The following CCNY variants were observed in gnomAD, a reference collection of about 807,000 sequenced individuals.
The protein encoded by CCNY is cyclin-Y.
Under a neutral mutation model 42.8 loss-of-function variants are expected in CCNY, and 19 were observed. The observed-to-expected ratio is 0.44, with a 90% CI of 0.31 to 0.65. The LOEUF is 0.65. Ranked by LOEUF, CCNY falls within the 30% of genes least tolerant of loss-of-function variation. CCNY has a pLI of 0.07. For synonymous variants in CCNY, 165 were observed against 162.7 expected (o/e 1.01, Z -0.11); for missense variants, 370 against 437.3 (o/e 0.85, Z 1.37).
chr10:35,448,391 G>A (rs1006268337), intron 1 of CCNY, among the ~76,000 whole-genome samples: 3 of 152,158 alleles, frequency 2.0e-5, no homozygotes, highest in Non-Finnish European at 4.4e-5. Flanking sequence ...ATTACTTGCC[G>A]TGTGACTTTG....
chr10:35,335,763 G>C (rs963685377), upstream of CCNY, among the ~76,000 whole-genome samples: 5 of 150,260 alleles, frequency 3.3e-5, no homozygotes, highest in African/African-American at 9.8e-5. Flanking sequence ...GTGTTACAAA[G>C]GGAGATCCCA....
intron 1 of CCNY, among the ~76,000 whole-genome samples, chr10:35,474,233 A>G (rs1355600229): frequency 6.6e-6 from 1 of 152,218 alleles, no homozygotes; most frequent in South Asian, 2.1e-4. Flanking sequence ...GGTGCCCACC[A>G]TTGCCCACGC....
Position 35,337,193 on chromosome 10 carries a change from G to C in CCNY, c.140G>C (p.Arg47Pro). ...TGCAACCTGCAGCACATCAGCGACCGGGAGAACATAGACGGTGAGTGCGGC... is the reference window on the plus strand; with the variant it reads ...TGCAACCTGCAGCACATCAGCGACCCGGAGAACATAGACGGTGAGTGCGGC... The part of the protein sequence containing the change: ...TGCNLQHISD[R>P]ENIDDLNMEF... Residue 47 changes from arginine (R) to proline (P), a missense_variant, in exon 1 of 10, where the codon CGG becomes CCG. By Grantham distance (103) the Arg-to-Pro change is moderately radical (BLOSUM62 -2). Transcript: ENST00000374704. 1 of 1,560,640 alleles carries C rather than the reference G, an allele frequency of 6.4e-7. No individual in the cohort carries two copies. The highest frequency in any genetic ancestry group is 8.7e-7 in the Non-Finnish European group (1 of 1,154,686).
In CCNY at chr10:35,571,530, A is replaced by C. The variant is rs945839162; in HGVS notation, c.*2360A>C. ...TTAATTGGTTATGTTTCTTGCACTAAGGATGTTTAAAACTCCGCTGTAAGT... is the reference window on the plus strand; with the variant it reads ...TTAATTGGTTATGTTTCTTGCACTACGGATGTTTAAAACTCCGCTGTAAGT... On this transcript the variant is annotated 3_prime_UTR_variant, in exon 10 of 10. Coordinates refer to ENST00000374704, the MANE Select transcript of CCNY (RefSeq NM_145012.6). 6.6e-6 allele frequency: 1 copy of C among 152,374 alleles called. No homozygotes were observed. The highest frequency in any genetic ancestry group is 6.5e-5 in the Admixed American group (1 of 15,282). The allele number at this position is 152,374 out of a possible 1,614,324, so 9.4% of individuals were successfully genotyped here.
chr10:35,546,133 A>G (rs1159093824), intron 7 of CCNY, among the ~76,000 whole-genome samples: 1 of 152,218 alleles, frequency 6.6e-6, no homozygotes, highest in African/African-American at 2.4e-5. Context: ...GTATTGGAAC[A>G]TGCTCTAATC....
intron 3 of CCNY, chr10:35,251,099 C>A (rs937143350): frequency 6.6e-6 from 1 of 152,108 alleles, no homozygotes; most frequent in Non-Finnish European, 1.5e-5. Flanking sequence ...AGAGTTGTGA[C>A]TTAAGACTAT....
At chr10:35,423,151 C>G (rs1430693346) in intron 1 of CCNY, among the ~76,000 whole-genome samples, 1 of 151,936 alleles carries the variant, frequency 6.6e-6, no homozygotes. Context: ...TTCATTTCCA[C>G]TTTTTTTTAT....
At chr10:35,256,075 G>A (rs112332637) in intron 3 of CCNY, among the ~76,000 whole-genome samples, 5 of 152,052 alleles carry the variant, frequency 3.3e-5, no homozygotes, top group African/African-American at 1.2e-4. Flanking sequence ...CACTTCCAAC[G>A]GATTGTGTCT....
chr10:35,454,253 G>C (rs1838981512), intron 1 of CCNY, among the ~76,000 whole-genome samples: 1 of 152,236 alleles, frequency 6.6e-6, no homozygotes, highest in Admixed American at 6.5e-5. Flanking sequence ...CCCAGGTCCA[G>C]GGTTTCACAG....
chr10:35,472,083 C>T (rs1391910838), intron 1 of CCNY, among the ~76,000 whole-genome samples: 1 of 152,214 alleles, frequency 6.6e-6, no homozygotes, highest in Non-Finnish European at 1.5e-5. Flanking sequence ...TAGCCCTGAT[C>T]TAAGTGCTGT....
intron 3 of CCNY, among the ~76,000 whole-genome samples, chr10:35,261,239 A>AATTT (rs1554963507): frequency 2.8e-4 from 37 of 132,200 alleles, no homozygotes; most frequent in Non-Finnish European, 4.0e-4. Context: ...AAAAAAAAAA[A>AATTT]TTTTTTTTTT....
intron 3 of CCNY, chr10:35,320,923 C>G (rs1835814345): frequency 6.6e-6 from 1 of 152,074 alleles, no homozygotes; most frequent in Admixed American, 6.6e-5. Context: ...GGGAAGATCA[C>G]TTGAGTCCAG....
chr10:35,362,747 G>A (rs1393251700), intron 1 of CCNY, among the ~76,000 whole-genome samples: 3 of 151,608 alleles, frequency 2.0e-5, no homozygotes, highest in African/African-American at 4.9e-5. Flanking sequence ...CGGGGCTGCG[G>A]CCAGGCAGAG....
At chr10:35,386,795 A>G (rs1167101911) in intron 1 of CCNY, among the ~76,000 whole-genome samples, 1 of 149,756 alleles carries the variant, frequency 6.7e-6, no homozygotes, top group East Asian at 2.0e-4. Flanking sequence ...ATATGTCAAG[A>G]TTCCTTCATT....
chr10:35,341,570 G>A (rs1836183779), intron 1 of CCNY, among the ~76,000 whole-genome samples: 1 of 152,248 alleles, frequency 6.6e-6, no homozygotes, highest in African/African-American at 2.4e-5. Context: ...ATTCCTTGAA[G>A]ATACTATAAA....
At chr10:35,391,603 C>G (rs908877790) in intron 1 of CCNY, among the ~76,000 whole-genome samples, 21 of 152,178 alleles carry the variant, frequency 1.4e-4, no homozygotes, top group African/African-American at 5.1e-4. Context: ...CATACTGATT[C>G]TTTGAAGAGA....
At chr10:35,411,997 A>G (rs1451017269) in intron 1 of CCNY, among the ~76,000 whole-genome samples, 1 of 152,090 alleles carries the variant, frequency 6.6e-6, no homozygotes, top group Non-Finnish European at 1.5e-5. Context: ...CTTGGTTCCA[A>G]GTGTCTTCCT....
chr10:35,344,476 G>A (rs1395667726), intron 1 of CCNY, among the ~76,000 whole-genome samples: 1 of 152,170 alleles, frequency 6.6e-6, no homozygotes, highest in African/African-American at 2.4e-5. Context: ...CGGATCATGA[G>A]GTCAGGAGAT....
chr10:35,440,919 A>G (rs1838652552), intron 1 of CCNY, among the ~76,000 whole-genome samples: 1 of 152,182 alleles, frequency 6.6e-6, no homozygotes, highest in Non-Finnish European at 1.5e-5. Context: ...CTCTTTTCAC[A>G]CATCATTTTG....
Sources: allele counts gnomAD v4.1 joint callset (sites outside exome capture counted in the v4.1 genomes callset), GRCh38; gene constraint gnomAD v4.1.1; transcripts MANE v1.5; gene names NCBI Gene and HGNC (gene_info 2026-07-23, HGNC 2026-07-21).